The following RFFL variants were observed in gnomAD, a reference collection of about 807,000 sequenced individuals.
RFFL encodes E3 ubiquitin-protein ligase rififylin.
In RFFL, 16 loss-of-function variants were observed where a neutral mutation model predicts 40.4. That is an observed-to-expected ratio of 0.40 (90% CI 0.27 to 0.60). The LOEUF (loss-of-function observed/expected upper bound fraction) is 0.60, where lower values mean the gene tolerates loss of function less well. RFFL is among the 20% of genes least tolerant of loss of function. The pLI is 0.47. For synonymous variants in RFFL, 154 were observed against 167.9 expected (o/e 0.92, Z 0.64); for missense variants, 367 against 451.7 (o/e 0.81, Z 1.70).
At chr17:35,087,100 C>T (rs1328240159) in intron 1 of RFFL, among the ~76,000 whole-genome samples, 1 of 152,208 alleles carries the variant, frequency 6.6e-6, no homozygotes, top group Non-Finnish European at 1.5e-5. Flanking sequence ...TGGCTCACAT[C>T]TGTAATCTCA....
intron 1 of RFFL, among the ~76,000 whole-genome samples, chr17:35,080,561 C>T (rs1437756758): frequency 6.6e-6 from 1 of 152,106 alleles, no homozygotes; most frequent in Non-Finnish European, 1.5e-5. Context: ...TTAAGAAAAG[C>T]TTTTTTTCCT....
chr17:35,059,918 C>A (rs999027717), intron 1 of RFFL, among the ~76,000 whole-genome samples: 1 of 152,140 alleles, frequency 6.6e-6, no homozygotes, highest in Non-Finnish European at 1.5e-5. Flanking sequence ...AAATTGAACA[C>A]CATATGCCAA....
chr17:35,081,041 A>G (rs944275026), intron 1 of RFFL, among the ~76,000 whole-genome samples: 1 of 152,246 alleles, frequency 6.6e-6, no homozygotes, highest in Non-Finnish European at 1.5e-5. Flanking sequence ...TGGCGGTAGT[A>G]GCAGTTGAAA....
chr17:35,053,696 C>T (rs1195304607), intron 1 of RFFL, among the ~76,000 whole-genome samples: 1 of 152,192 alleles, frequency 6.6e-6, no homozygotes, highest in South Asian at 2.1e-4. Context: ...GTACTTAATA[C>T]AATACCAGGC....
At chr17:35,021,819 TGA>T (rs1567701893) in intron 2 of RFFL, 38 bp from the exon 3 acceptor site, 1 of 1,608,858 alleles carries the variant, frequency 6.2e-7, no homozygotes, top group South Asian at 1.1e-5. Flanking sequence ...CATGTCAGAT[TGA>T]GAGAACAAGA....
chr17:35,070,933 ATGCCTGTATT>A, intron 1 of RFFL, among the ~76,000 whole-genome samples: 1 of 152,252 alleles, frequency 6.6e-6, no homozygotes, highest in Middle Eastern at 3.2e-3. Context: ...ACGGTGGCCC[ATGCCTGTATT>A]TGCAGCACTT....
intron 2 of RFFL, among the ~76,000 whole-genome samples, chr17:35,024,510 C>G (rs1310672209): frequency 2.6e-5 from 4 of 152,094 alleles, no homozygotes; most frequent in Non-Finnish European, 5.9e-5. Context: ...GAGGTATTAC[C>G]AATAGAGATG....
chr17:35,063,815 A>C (rs767649886), upstream of RFFL: 3 of 152,272 alleles, frequency 2.0e-5, no homozygotes, highest in Admixed American at 6.5e-5. Context: ...TACTTCCCAA[A>C]CAACTCAGCC....
At chr17:35,053,870 C>T (rs74818874) in intron 1 of RFFL, among the ~76,000 whole-genome samples, 3,851 of 152,300 alleles carry the variant, frequency 0.025, 152 homozygotes, top group East Asian at 0.16. Context: ...ATCCCGTTAA[C>T]GGAAAAGGAA....
At chr17:35,048,192 G>A (rs2091211426) in intron 1 of RFFL, among the ~76,000 whole-genome samples, 1 of 151,816 alleles carries the variant, frequency 6.6e-6, no homozygotes. Flanking sequence ...CGTGAGGTCA[G>A]GAGATCAAGA....
chr17:35,013,017 A>G (rs980418030), intron 6 of RFFL, among the ~76,000 whole-genome samples: 12 of 152,236 alleles, frequency 7.9e-5, no homozygotes, highest in African/African-American at 2.9e-4. Flanking sequence ...AACATCCCAC[A>G]TTTACTGAAT....
chr17:35,053,831 G>A (rs1211691245), intron 1 of RFFL, among the ~76,000 whole-genome samples: 2 of 152,118 alleles, frequency 1.3e-5, no homozygotes, highest in African/African-American at 4.8e-5. Context: ...TCTTGATATT[G>A]AAAAGCAATT....
At chr17:35,045,106 A>T (rs1402087618) in intron 1 of RFFL, among the ~76,000 whole-genome samples, 2 of 151,774 alleles carry the variant, frequency 1.3e-5, no homozygotes, top group Non-Finnish European at 2.9e-5. Flanking sequence ...AATCTCCTGT[A>T]CCTCTGGAGA....
chr17:35,064,356 T>G (rs2091310010), upstream of RFFL, among the ~76,000 whole-genome samples: 3 of 152,092 alleles, frequency 2.0e-5, no homozygotes, highest in Admixed American at 1.3e-4. Flanking sequence ...TCACACCTAC[T>G]GGATGCATAG....
chr17:35,054,143 C>T (rs2091246578), intron 1 of RFFL, among the ~76,000 whole-genome samples: 1 of 152,150 alleles, frequency 6.6e-6, no homozygotes, highest in Non-Finnish European at 1.5e-5. Flanking sequence ...ACTTCTCCAC[C>T]TTCCACCCCT....
chr17:35,024,706 G>A (rs1448815322), intron 2 of RFFL, among the ~76,000 whole-genome samples: 1 of 152,216 alleles, frequency 6.6e-6, no homozygotes, highest in East Asian at 1.9e-4. Context: ...GAAAAAGATA[G>A]TAGGATCCAT....
At chr17:35,049,468 T>C (rs2091219499) in intron 1 of RFFL, among the ~76,000 whole-genome samples, 1 of 152,190 alleles carries the variant, frequency 6.6e-6, no homozygotes, top group Non-Finnish European at 1.5e-5. Flanking sequence ...AGTCCTCTAA[T>C]GAATGCAATA....
chr17:35,074,180 T>C (rs2091364713), intron 1 of RFFL: 1 of 152,210 alleles, frequency 6.6e-6, no homozygotes, highest in African/African-American at 2.4e-5. Flanking sequence ...CTGCCTTCAC[T>C]ACATATGAAG....
rs1597808581 is a variant in RFFL at position 35,009,742 on chromosome 17, T to A, written c.*2226A>T. 1 of 152,406 alleles carries A rather than the reference T, an allele frequency of 6.6e-6. No homozygotes were observed. The highest frequency in any genetic ancestry group is 2.1e-4 in the South Asian group (1 of 4,832). The allele number at this position is 152,406 out of a possible 1,614,324, so 9.4% of individuals were successfully genotyped here. A position where few individuals can be genotyped will look rare whatever the true frequency, so the allele number is the denominator to read the frequency against. On this transcript the variant is annotated 3_prime_UTR_variant, in exon 7 of 7. Coordinates refer to ENST00000394597, the MANE Select transcript of RFFL (RefSeq NM_001017368.2). ...CAGCTATCAGTATATTATTTTCGAT[T>A]TGTGTCTAGGAGGGAAACTGAAGAG...
Sources: gnomAD v4.1 joint callset for allele counts (sites outside exome capture counted in the v4.1 genomes callset) on GRCh38, gnomAD v4.1.1 for gene constraint, MANE v1.5 for transcripts, NCBI Gene and HGNC (gene_info 2026-07-23, HGNC 2026-07-21) for gene names.